The following GDF1 variants were observed in gnomAD, a reference collection of about 807,000 sequenced individuals.
GDF1 encodes the protein growth differentiation factor 1.
Under a neutral mutation model 7.4 loss-of-function variants are expected in GDF1, and 8 were observed. The ratio of observed to expected loss-of-function variants is 1.09; its 90% CI spans 0.64 to 1.96. The LOEUF (loss-of-function observed/expected upper bound fraction) is 1.96, where lower values mean the gene tolerates loss of function less well. Ranked by LOEUF, GDF1 falls within the 30% of genes most tolerant of loss-of-function variation. The pLI is 0.00. For synonymous variants in GDF1, 311 were observed against 276.7 expected (o/e 1.12, Z -1.23); for missense variants, 574 against 551.5 (o/e 1.04, Z -0.41).
Position 18,895,323 on chromosome 19 carries a change from G to C in GDF1, c.-1074+501C>G. ...CGGGCAGCGGACCTCGCTCCGGGCC[G>C]GGGCGCAGCCCGCATGGCAGGGAGG... On this transcript the variant is annotated intron_variant, in intron 1 of 7. Transcript: ENST00000247005. The surrounding 1 kb of genome is among the most constrained non-coding windows in gnomAD (Gnocchi z 6.4). 6.6e-6 allele frequency among the ~76,000 whole-genome samples: 1 copy of C among 152,208 alleles called. No homozygotes were observed. The highest frequency in any genetic ancestry group is 1.5e-5 in the Non-Finnish European group (1 of 68,032).
chr19:18,891,156 T>C (rs993190903), intron 2 of GDF1, among the ~76,000 whole-genome samples: 10 of 150,650 alleles, frequency 6.6e-5, no homozygotes, highest in East Asian at 3.9e-4. Context: ...AGTTCGATCA[T>C]GGGTCATCCG....
chr19:18,873,597 G>T (rs1315097119), intron 6 of GDF1, among the ~76,000 whole-genome samples: 1 of 151,936 alleles, frequency 6.6e-6, no homozygotes, highest in Non-Finnish European at 1.5e-5. Context: ...TAGCACTTTG[G>T]GAGGCCAAGA....
intron 6 of GDF1, among the ~76,000 whole-genome samples, chr19:18,872,443 G>A (rs1364545817): frequency 6.6e-6 from 1 of 152,054 alleles, no homozygotes; most frequent in Non-Finnish European, 1.5e-5. Context: ...TGCCTCCCAG[G>A]TTCACGGGAT....
At position 18,880,348 on chromosome 19, in the gene GDF1, C is replaced by T; in HGVS notation, c.-645G>A. 6.4e-7 allele frequency: 1 copy of T among 1,564,472 alleles called. No individual in the cohort carries two copies. The highest frequency in any genetic ancestry group is 8.7e-7 in the Non-Finnish European group (1 of 1,154,606). On this transcript the variant is annotated 5_prime_UTR_variant, in exon 4 of 8. Transcript: ENST00000247005. The stretch of plus-strand genomic sequence containing the variant: ...GCCGATGGTAGGAGCCGCCGCGGGA[C>T]TTGAAGTAAATGTTGAGCTTGGTGA...
rs530663169 is a variant in GDF1, at chr19:18,893,190, G to A, written c.-914+226C>T. ...GGCCTCCCAAAGTGCTGGGATTACA[G>A]GCGTGAGCCACTGCGCCTGGCCCTC... On this transcript the variant is annotated intron_variant, in intron 2 of 7. Coordinates refer to ENST00000247005, the MANE Select transcript of GDF1 (RefSeq NM_001492.6). 2.6e-5 allele frequency among the ~76,000 whole-genome samples: 4 copies of A among 152,120 alleles called. No individual in the cohort carries two copies. In the South Asian group the frequency reaches 8.3e-4, roughly 32 times the overall value.
chr19:18,877,733 G>C (rs933856307), intron 6 of GDF1, among the ~76,000 whole-genome samples: 3 of 140,244 alleles, frequency 2.1e-5, no homozygotes, highest in African/African-American at 8.1e-5. Context: ...CTCCAGCCTG[G>C]ACGACAGAGT....
intron 6 of GDF1, among the ~76,000 whole-genome samples, chr19:18,876,212 C>G (rs2056058078): frequency 6.6e-6 from 1 of 152,224 alleles, no homozygotes; most frequent in Non-Finnish European, 1.5e-5. Flanking sequence ...TTTCCAACTC[C>G]TGACTTCAAG....
At chr19:18,885,482 C>A (rs1038012520) in intron 2 of GDF1, among the ~76,000 whole-genome samples, 1 of 151,110 alleles carries the variant, frequency 6.6e-6, no homozygotes, top group Non-Finnish European at 1.5e-5. Flanking sequence ...CAGGGATGAG[C>A]CACCTCACCC....
At position 18,895,125 on chromosome 19, in the gene GDF1, T is replaced by G. The variant is rs969750965; in HGVS notation, c.-1074+699A>C. 1.3e-5 allele frequency among the ~76,000 whole-genome samples: 2 copies of G among 152,186 alleles called. No individual in the cohort carries two copies. Among genetic ancestry groups the G allele is most frequent in the Non-Finnish European group, 2.9e-5 (2 of 68,010 alleles). On this transcript the variant is annotated intron_variant, in intron 1 of 7. Coordinates refer to ENST00000247005, the MANE Select transcript of GDF1 (RefSeq NM_001492.6). The surrounding 1 kb of genome is among the most constrained non-coding windows in gnomAD (Gnocchi z 6.4). ...TCCAACCCTGAAGCCCCGGGCCATG[T>G]CACCTCCAAGGGAGCGACCACTGGC...
At chr19:18,880,690 A>G (rs1267845739) in intron 3 of GDF1, among the ~76,000 whole-genome samples, 10 of 150,292 alleles carry the variant, frequency 6.7e-5, no homozygotes, top group Admixed American at 6.0e-4. Context: ...TGGCCCAGGG[A>G]GCTCCCTGGA....
Position 18,868,650 on chromosome 19 carries a change from C to A in GDF1, c.1066G>T (p.Val356Leu), listed in dbSNP as rs1056201063. The stretch of plus-strand genomic sequence containing the variant: ...ATGTCCTCATACTGCCGCAGCACCA[C>A]GTTGTCGCTGTTGTCAAAGAAGAGC... ...SVLFFDNSDN[V>L]VLRQYEDMVV... Residue 356 changes from valine (V) to leucine (L), a missense_variant, in exon 8 of 8, where the codon GTG (valine) becomes TTG (leucine). Transcript: ENST00000247005. The A allele has an allele frequency of 6.3e-7, 1 of 1,575,592 alleles. No homozygotes were observed. Among genetic ancestry groups the A allele is most frequent in the Non-Finnish European group, 8.6e-7 (1 of 1,160,640 alleles).
chr19:18,882,307 G>A (rs2056230900), intron 3 of GDF1, among the ~76,000 whole-genome samples: 1 of 152,122 alleles, frequency 6.6e-6, no homozygotes, highest in Non-Finnish European at 1.5e-5. Flanking sequence ...GGCTTGTGTG[G>A]CTGAGGAATG....
Position 18,879,292 on chromosome 19 carries a change from G to A in GDF1, c.-474C>T. The A allele has an allele frequency of 6.2e-7, 1 of 1,613,298 alleles. No individual in the cohort carries two copies. The highest frequency in any genetic ancestry group is 8.5e-7 in the Non-Finnish European group (1 of 1,179,646). The stretch of plus-strand genomic sequence containing the variant: ...TGAGCAGCAGCAGGAGCGCATTGAA[G>A]AAGAAGTAGAAGGGGATGTCAGGCA... On this transcript the variant is annotated 5_prime_UTR_variant, in exon 5 of 8. Coordinates refer to ENST00000247005, the MANE Select transcript of GDF1 (RefSeq NM_001492.6).
At chr19:18,873,058 T>C (rs1412962967) in intron 6 of GDF1, among the ~76,000 whole-genome samples, 1 of 151,818 alleles carries the variant, frequency 6.6e-6, no homozygotes, top group African/African-American at 2.4e-5. Flanking sequence ...ACTTTCTAGA[T>C]GTTTCTTCAT....
Position 18,895,860 on chromosome 19 carries a change from G to C in GDF1, c.-1110C>G. 1.6e-6 allele frequency: 2 copies of C among 1,285,934 alleles called. No homozygotes were observed. The highest frequency in any genetic ancestry group is 2.0e-6 in the Non-Finnish European group (2 of 1,016,830). 79.7% of individuals were successfully genotyped at this position (1,285,934 alleles called of 1,614,324 possible). A position where few individuals can be genotyped will look rare whatever the true frequency, so the allele number is the denominator to read the frequency against. ...GCGCAGTGGCCGCGGAGCGCAGGGC[G>C]GTCCAGCCCAGCGCGCCGAGCGCCA... On this transcript the variant is annotated 5_prime_UTR_variant, in exon 1 of 8. Transcript: ENST00000247005. This position sits in a 1 kb window ranked among gnomAD's most constrained non-coding sequence, Gnocchi z 6.4.
rs369855377 is a variant in GDF1, at chr19:18,893,451, T to C, written c.-949A>G. ...AGATGGTGGGTCATGGAAGAAGGGG[T>C]AGTCGGTGCCAAACAGCAGGTAGGC... On this transcript the variant is annotated 5_prime_UTR_variant, in exon 2 of 8. Transcript: ENST00000247005. 36 of 1,605,616 alleles carry C rather than the reference T, an allele frequency of 2.2e-5. No individual in the cohort carries two copies. Among genetic ancestry groups the C allele is most frequent in the Non-Finnish European group, 2.8e-5 (33 of 1,176,454 alleles).
rs992669308 is a variant in GDF1 at position 18,870,209 on chromosome 19, T to TGGGGGCAC, written c.91_98dup (p.Gly34CysfsTer13). ...CCTGGAGCAGGGCGGCGGCTGGGCC[T>TGGGGGCAC]GGGGGCACGGGGGCGCGGGTCAGGG... On this transcript the variant is annotated frameshift_variant, in exon 7 of 8. Coordinates refer to ENST00000247005, the MANE Select transcript of GDF1 (RefSeq NM_001492.6). LOFTEE classifies it high-confidence loss of function. The surrounding 1 kb of genome is among the most constrained non-coding windows in gnomAD (Gnocchi z 5.1). 5.1e-6 allele frequency: 8 copies of TGGGGGCAC among 1,557,618 alleles called. No homozygotes were observed. Among genetic ancestry groups the TGGGGGCAC allele is most frequent in the East Asian group, 2.3e-5 (1 of 43,260 alleles).
chr19:18,870,312 C>A lies in GDF1; in HGVS notation c.-5G>T. 6.5e-7 allele frequency: 1 copy of A among 1,545,252 alleles called. No homozygotes were observed. Among genetic ancestry groups the A allele is most frequent in the Non-Finnish European group, 8.7e-7 (1 of 1,146,340 alleles). On this transcript the variant is annotated 5_prime_UTR_variant, in exon 7 of 8. The change creates a new upstream start codon in the 5' untranslated region. Transcript: ENST00000247005. The surrounding 1 kb of genome is among the most constrained non-coding windows in gnomAD (Gnocchi z 5.1). ...ACCTTGCTGCGGCGGTGGCATCTTC[C>A]TCCCAGGCGATGACCAGAGAGTGCG...
intron 6 of GDF1, among the ~76,000 whole-genome samples, chr19:18,872,751 G>A (rs1435299403): frequency 2.0e-5 from 3 of 150,580 alleles, no homozygotes. Flanking sequence ...CCTGACCTCA[G>A]GTGATCCACC....
Sources: gnomAD v4.1 joint callset for allele counts (sites outside exome capture counted in the v4.1 genomes callset) on GRCh38, gnomAD v4.1.1 for gene constraint, Gnocchi (gnomAD v3.1) non-coding constraint, MANE v1.5 for transcripts, NCBI Gene and HGNC (gene_info 2026-07-23, HGNC 2026-07-21) for gene names.